The following DST variants were observed in gnomAD, a reference collection of about 807,000 sequenced individuals.
The protein encoded by DST is dystonin.
In DST, 253 loss-of-function variants were observed where a neutral mutation model predicts 875.2. That is an observed-to-expected ratio of 0.29 (90% CI 0.26 to 0.32). The LOEUF is 0.32. Among genes scored for constraint, DST ranks in the 10% least tolerant of loss-of-function variants. The pLI is 1.00. For missense variants in DST, 8,287 were observed against 9,111.6 expected (o/e 0.91, Z 3.68); for synonymous variants, 3,124 against 3,197.1 (o/e 0.98, Z 0.77).
In DST at chr6:56,624,561, C is replaced by G; in HGVS notation, c.4898G>C (p.Gly1633Ala). The G allele has an allele frequency of 1.2e-5, 20 of 1,613,320 alleles. No individual in the cohort carries two copies. Among genetic ancestry groups the G allele is most frequent in the Non-Finnish European group, 1.6e-5 (19 of 1,179,590 alleles). Residue 1633 changes from glycine to alanine, a missense_variant, in exon 36 of 104, where the codon GGT (glycine) becomes GCT (alanine). This residue lies in a region of DST where 3,138 missense variants were observed against 3,116.6 expected (regional missense o/e 1.01). Transcript: ENST00000680361. ...TLMTQYIKFA[G>A]DSLKRLEEEE... ...CTCTTCCAGCCTCTTCAATGAATCA[C>G]CAGCAAATTTAATATATTGTGTCAT... is the stretch of plus-strand genomic sequence containing the variant.
intron 9 of DST, among the ~76,000 whole-genome samples, chr6:56,691,491 C>A (rs2099229044): frequency 6.6e-6 from 1 of 152,090 alleles, no homozygotes; most frequent in Non-Finnish European, 1.5e-5. Flanking sequence ...ATACAATGAC[C>A]TTGCCAAGAA....
At chr6:56,727,997 A>G (rs931414400) in intron 5 of DST, among the ~76,000 whole-genome samples, 1 of 152,194 alleles carries the variant, frequency 6.6e-6, no homozygotes, top group Middle Eastern at 3.2e-3. Context: ...TATGTAATGT[A>G]TCTAGTGCAG....
intron 4 of DST, among the ~76,000 whole-genome samples, chr6:56,849,467 C>T (rs541686031): frequency 1.3e-5 from 2 of 152,144 alleles, no homozygotes; most frequent in South Asian, 2.1e-4. Flanking sequence ...TTTGAGATCC[C>T]CAGTGCATCA....
At position 56,607,929 on chromosome 6, in the gene DST, T is replaced by C; in HGVS notation, c.6699A>G (p.Leu2233=). Residue 2233 remains leucine (L), a synonymous_variant, in exon 40 of 104, where the codon CTA becomes CTG. Coordinates refer to ENST00000680361, the MANE Select transcript of DST (RefSeq NM_001374736.1). ...CAAATTCTGCATGACAGCCTTCCAG[T>C]AGCATGCCAACAGCCTCATCCAAGT... The part of the protein sequence containing the change: ...DGDLDEAVGM[L]LEGCHAEFDG... 6.2e-7 allele frequency: 1 copy of C among 1,613,672 alleles called. No homozygotes were observed. The highest frequency in any genetic ancestry group is 1.7e-4 in the Middle Eastern group (1 of 6,060).
At chr6:56,601,871 A>T in intron 43 of DST, 195 bp from the exon 44 acceptor site, 1 of 495,762 alleles carries the variant, frequency 2.0e-6, no homozygotes, top group Non-Finnish European at 3.5e-6. Context: ...ATACCATGGT[A>T]GTTAGTATTA....
chr6:56,891,927 G>A (rs1020644359), intron 3 of DST, among the ~76,000 whole-genome samples: 14 of 152,158 alleles, frequency 9.2e-5, no homozygotes, highest in African/African-American at 1.9e-4. Flanking sequence ...GATCCTTCAG[G>A]AGAGAGGGTG....
intron 53 of DST, among the ~76,000 whole-genome samples, chr6:56,571,375 T>C (rs1332340912): frequency 1.3e-5 from 2 of 152,194 alleles, no homozygotes; most frequent in African/African-American, 4.8e-5. Context: ...TATGACAGGA[T>C]GGAACATATA....
chr6:56,654,779 A>G (rs1399485320), intron 10 of DST, among the ~76,000 whole-genome samples: 2 of 152,110 alleles, frequency 1.3e-5, no homozygotes, highest in Non-Finnish European at 2.9e-5. Context: ...GTAACATTTC[A>G]GTACTCCAAA....
intron 27 of DST, 28 bp downstream of exon 27, chr6:56,634,104 T>G: frequency 1.9e-6 from 3 of 1,612,078 alleles, no homozygotes; most frequent in Non-Finnish European, 2.5e-6. Context: ...TTTGGACATA[T>G]CGAGTTGACA....
At chr6:56,762,152 C>T (rs1564049149) in intron 4 of DST, among the ~76,000 whole-genome samples, 1 of 152,086 alleles carries the variant, frequency 6.6e-6, no homozygotes, top group Admixed American at 6.6e-5. Context: ...TCCTGAGTAG[C>T]TGGGATTACA....
At chr6:56,930,969 T>G (rs1477789798) in intron 2 of DST, among the ~76,000 whole-genome samples, 1 of 152,218 alleles carries the variant, frequency 6.6e-6, no homozygotes, top group Non-Finnish European at 1.5e-5. Flanking sequence ...AGTCAGAAAT[T>G]TGAACACGAA....
chr6:56,723,732 T>C (rs2099430722), intron 5 of DST, among the ~76,000 whole-genome samples: 2 of 152,362 alleles, frequency 1.3e-5, no homozygotes, highest in East Asian at 1.9e-4. Flanking sequence ...GGGAGATTAA[T>C]AGATACTCTT....
chr6:56,476,538 T>C (rs929963713), intron 91 of DST, among the ~76,000 whole-genome samples: 3 of 152,212 alleles, frequency 2.0e-5, no homozygotes, highest in African/African-American at 7.2e-5. Flanking sequence ...GTTCATCATC[T>C]TCAGAATTTA....
intron 2 of DST, among the ~76,000 whole-genome samples, chr6:56,923,908 T>C (rs1592548973): frequency 6.6e-6 from 1 of 152,080 alleles, no homozygotes; most frequent in Admixed American, 6.6e-5. Flanking sequence ...AGGATCACTT[T>C]AGGTCAGGAG....
intron 4 of DST, among the ~76,000 whole-genome samples, chr6:56,772,225 T>C (rs2152978451): frequency 6.6e-6 from 1 of 152,350 alleles, no homozygotes; most frequent in African/African-American, 2.4e-5. Flanking sequence ...TAAAGCCGAA[T>C]GTCAAATTTA....
chr6:56,828,223 G>A (rs1166774986), intron 4 of DST, among the ~76,000 whole-genome samples: 4 of 152,206 alleles, frequency 2.6e-5, no homozygotes, highest in African/African-American at 9.6e-5. Flanking sequence ...GAAACAGCCA[G>A]AGAGCAACAC....
Position 56,536,674 on chromosome 6 carries a change from GAC to G in DST, c.16770+103_16770+104del, listed in dbSNP as rs1291647348. The G allele has an allele frequency of 8.1e-6, 9 of 1,105,132 alleles. No homozygotes were observed. In the African/African-American group the frequency reaches 1.4e-4, roughly 18 times the overall value. 68.5% of individuals were successfully genotyped at this position (1,105,132 alleles called of 1,614,324 possible). ...CAGTTTACAGTAATATAAAACAGTA[GAC>G]ATATTTAGAAAAGTTTGGCTACCAC... is the stretch of plus-strand genomic sequence containing the variant. On this transcript the variant is annotated intron_variant, in intron 62 of 103. Transcript: ENST00000680361.
At chr6:56,618,745 C>T in intron 36 of DST, 2 of 1,614,080 alleles carry the variant, frequency 1.2e-6, no homozygotes, top group Non-Finnish European at 1.7e-6. Context: ...TGACTTTGGA[C>T]TCCATTAATT....
chr6:56,653,279 A>C (rs2098986289), intron 10 of DST, among the ~76,000 whole-genome samples: 1 of 152,248 alleles, frequency 6.6e-6, no homozygotes, highest in Non-Finnish European at 1.5e-5. Context: ...CATCTCTTTT[A>C]TCATGATGTT....
Sources: gnomAD v4.1 joint callset for allele counts (sites outside exome capture counted in the v4.1 genomes callset) on GRCh38, gnomAD v4.1.1 for gene constraint, gnomAD v4.1.1 regional missense constraint, MANE v1.5 for transcripts, NCBI Gene and HGNC (gene_info 2026-07-23, HGNC 2026-07-21) for gene names.